PBX4: variants seen among roughly 807,000 people sequenced by gnomAD.
The protein encoded by PBX4 is pre-B-cell leukemia transcription factor 4.
PBX4 carries 26 observed loss-of-function variants against 35.1 expected under a neutral mutation model. The observed-to-expected ratio is 0.74, with a 90% CI of 0.54 to 1.03. The LOEUF (loss-of-function observed/expected upper bound fraction) is 1.03. Among genes scored for constraint, PBX4 ranks in the 50% least tolerant of loss-of-function variants. The pLI is 0.00. For synonymous variants in PBX4, 199 were observed against 204.2 expected (o/e 0.97, Z 0.22); for missense variants, 448 against 504.3 (o/e 0.89, Z 1.07).
intron 2 of PBX4, among the ~76,000 whole-genome samples, chr19:19,592,771 G>A (rs2061536806): frequency 6.6e-6 from 1 of 152,204 alleles, no homozygotes; most frequent in Admixed American, 6.5e-5. Context: ...AGAACATAGC[G>A]CATCCTAGAC....
chr19:19,612,657 G>A (rs761605654), intron 1 of PBX4, among the ~76,000 whole-genome samples: 1 of 152,038 alleles, frequency 6.6e-6, no homozygotes, highest in East Asian at 1.9e-4. Context: ...GTGAACTTTA[G>A]GGCTTTGAGT....
At chr19:19,565,316 C>A (rs557243960) in intron 5 of PBX4, among the ~76,000 whole-genome samples, 1 of 152,318 alleles carries the variant, frequency 6.6e-6, no homozygotes, top group African/African-American at 2.4e-5. Flanking sequence ...TGTCTTAGAA[C>A]TCTGCTGCCT....
intron 1 of PBX4, among the ~76,000 whole-genome samples, chr19:19,610,869 C>T (rs1178545293): frequency 6.6e-6 from 1 of 152,178 alleles, no homozygotes; most frequent in Non-Finnish European, 1.5e-5. Flanking sequence ...AGAAGAAAGA[C>T]TACAAGGCAC....
chr19:19,616,252 A>C (rs2061688272), intron 1 of PBX4, among the ~76,000 whole-genome samples: 1 of 151,580 alleles, frequency 6.6e-6, no homozygotes. Context: ...AGGTCTAAAA[A>C]CTCCTTTATT....
chr19:19,566,479 T>C (rs1210099559), intron 5 of PBX4, among the ~76,000 whole-genome samples: 1 of 152,176 alleles, frequency 6.6e-6, no homozygotes, highest in Non-Finnish European at 1.5e-5. Flanking sequence ...TATAGTATAA[T>C]AACACACAGA....
intron 5 of PBX4, among the ~76,000 whole-genome samples, chr19:19,566,299 C>G (rs1307833015): frequency 6.6e-6 from 1 of 152,168 alleles, no homozygotes; most frequent in African/African-American, 2.4e-5. Context: ...GAGCGGTATC[C>G]TTGGCACCCA....
intron 2 of PBX4, among the ~76,000 whole-genome samples, chr19:19,586,839 G>A (rs1205239695): frequency 2.0e-5 from 3 of 151,752 alleles, no homozygotes; most frequent in East Asian, 2.0e-4. Flanking sequence ...GCTGAGGCAG[G>A]AGAATCGTTT....
chr19:19,603,687 T>C (rs1038970067), intron 1 of PBX4, among the ~76,000 whole-genome samples: 8 of 152,208 alleles, frequency 5.3e-5, no homozygotes, highest in Non-Finnish European at 1.2e-4. Context: ...CCAGGCGCAG[T>C]GGCTCACGCC....
intron 1 of PBX4, among the ~76,000 whole-genome samples, chr19:19,611,743 C>T (rs1186690004): frequency 6.6e-6 from 1 of 151,334 alleles, no homozygotes; most frequent in Admixed American, 6.6e-5. Flanking sequence ...AAAACCTATG[C>T]AGGCATTGCT....
intron 2 of PBX4, among the ~76,000 whole-genome samples, chr19:19,575,771 C>G (rs2061415839): frequency 6.6e-6 from 1 of 152,204 alleles, no homozygotes; most frequent in Non-Finnish European, 1.5e-5. Flanking sequence ...CGGAGCCTTG[C>G]ACAGCCTCTG....
chr19:19,605,138 T>A (rs1485184513), intron 1 of PBX4, among the ~76,000 whole-genome samples: 2 of 151,150 alleles, frequency 1.3e-5, no homozygotes, highest in Non-Finnish European at 2.9e-5. Context: ...CAAAAAACTG[T>A]CAGACACAGT....
At chr19:19,581,046 T>C (rs879639575) in intron 2 of PBX4, among the ~76,000 whole-genome samples, 6 of 152,172 alleles carry the variant, frequency 3.9e-5, no homozygotes, top group African/African-American at 7.2e-5. Context: ...TTTTACCTTG[T>C]TTAGAGTAGG....
intron 2 of PBX4, among the ~76,000 whole-genome samples, chr19:19,587,446 G>A (rs1286032864): frequency 6.6e-6 from 1 of 151,444 alleles, no homozygotes; most frequent in Non-Finnish European, 1.5e-5. Flanking sequence ...AAATTAGCCG[G>A]GCGTGGTGGC....
chr19:19,594,471 C>A (rs1331257446), intron 2 of PBX4, among the ~76,000 whole-genome samples: 1 of 151,990 alleles, frequency 6.6e-6, no homozygotes, highest in African/African-American at 2.4e-5. Flanking sequence ...GGGGCGACAC[C>A]AGCGGTTGAA....
intron 3 of PBX4, 63 bp from the exon 4 acceptor site, chr19:19,570,362 G>C (rs576239480): frequency 1.3e-6 from 2 of 1,528,268 alleles, no homozygotes; most frequent in East Asian, 4.6e-5. Flanking sequence ...AGGGCAGCAG[G>C]TTCCACAGCG....
intron 1 of PBX4, among the ~76,000 whole-genome samples, chr19:19,611,954 T>C (rs1290806806): frequency 2.0e-5 from 3 of 151,810 alleles, no homozygotes; most frequent in Non-Finnish European, 4.4e-5. Flanking sequence ...CTGGGCAACA[T>C]AGTGAGACTC....
At chr19:19,570,451 A>G (rs2061374948) in intron 3 of PBX4, 135 bp downstream of exon 3, 1 of 1,452,520 alleles carries the variant, frequency 6.9e-7, no homozygotes, top group East Asian at 2.3e-5. Context: ...TTCAGTAACA[A>G]TGGACCACCT....
At chr19:19,581,869 T>C (rs2061456569) in intron 2 of PBX4, among the ~76,000 whole-genome samples, 1 of 152,048 alleles carries the variant, frequency 6.6e-6, no homozygotes, top group African/African-American at 2.4e-5. Flanking sequence ...AGTGTGAGAA[T>C]AGGTGGGGGC....
chr19:19,594,075 T>G (rs1209558301), intron 2 of PBX4, among the ~76,000 whole-genome samples: 2 of 145,210 alleles, frequency 1.4e-5, no homozygotes, highest in South Asian at 2.2e-4. Context: ...TGAGACTCTG[T>G]GTCTTAATTA....
Sources: allele counts gnomAD v4.1 joint callset (sites outside exome capture counted in the v4.1 genomes callset), GRCh38; gene constraint gnomAD v4.1.1; transcripts MANE v1.5; gene names NCBI Gene and HGNC (gene_info 2026-07-23, HGNC 2026-07-21).